The following DSCAML1 variants were observed in gnomAD, a reference collection of about 807,000 sequenced individuals.
DSCAML1 encodes the protein DS cell adhesion molecule like 1.
DSCAML1 carries 38 observed loss-of-function variants against 200.5 expected under a neutral mutation model. The ratio of observed to expected loss-of-function variants is 0.19; its 90% CI spans 0.15 to 0.25. The LOEUF is 0.25. DSCAML1 is among the 10% of genes least tolerant of loss of function. The pLI is 1.00. For missense variants in DSCAML1, 2,223 were observed against 2,858.8 expected (o/e 0.78, Z 5.07); for synonymous variants, 1,215 against 1,165.0 (o/e 1.04, Z -0.87).
At chr11:117,719,889 TCTGA>T (rs1356036598) in intron 3 of DSCAML1, among the ~76,000 whole-genome samples, 1 of 152,202 alleles carries the variant, frequency 6.6e-6, no homozygotes, top group Non-Finnish European at 1.5e-5. Flanking sequence ...CAATCCCTAC[TCTGA>T]CTGTGCCCAC....
Position 117,437,931 on chromosome 11 carries a change from T to C in DSCAML1, c.4396A>G (p.Ile1466Val), listed in dbSNP as rs753868442. 1 of 1,612,894 alleles carries C rather than the reference T, an allele frequency of 6.2e-7. No homozygotes were observed. Among genetic ancestry groups the C allele is most frequent in the African/African-American group, 1.3e-5 (1 of 74,912 alleles). Reference sequence around the variant, plus strand: ...GTCTTGGCCTCGATGATCTCGCTGATGCGCCCAGAGCCCACGCTGTTCTTG... The same window carrying C: ...GTCTTGGCCTCGATGATCTCGCTGACGCGCCCAGAGCCCACGCTGTTCTTG... ...AAKNSVGSGRISEIIEAKTHG... is the reference protein window; with the variant it reads ...AAKNSVGSGRVSEIIEAKTHG... The change falls in exon 25 of 33, where the codon ATC (isoleucine) becomes GTC (valine). Residue 1466 changes from isoleucine (I) to valine (V), a missense_variant. This residue lies in a region of DSCAML1 where 614 missense variants were observed against 739.1 expected (regional missense o/e 0.83). Transcript: ENST00000651296. This position sits in a 1 kb window ranked among gnomAD's most constrained non-coding sequence, Gnocchi z 5.3.
chr11:117,769,441 A>T (rs1226962357), intron 3 of DSCAML1, among the ~76,000 whole-genome samples: 2 of 77,266 alleles, frequency 2.6e-5, no homozygotes, highest in Non-Finnish European at 4.5e-5. Flanking sequence ...TTTTTATATA[A>T]TATATATTTT....
chr11:117,768,981 C>A (rs2054948226), intron 3 of DSCAML1, among the ~76,000 whole-genome samples: 1 of 149,070 alleles, frequency 6.7e-6, no homozygotes, highest in Admixed American at 6.9e-5. Context: ...GAGGCTGAGA[C>A]AAGAGAATCA....
intron 17 of DSCAML1, among the ~76,000 whole-genome samples, chr11:117,464,456 G>A (rs1473939275): frequency 6.6e-6 from 1 of 152,174 alleles, no homozygotes; most frequent in Non-Finnish European, 1.5e-5. Flanking sequence ...AGTCATGGAA[G>A]AATGAAGACT....
intron 24 of DSCAML1, 102 bp from the exon 25 acceptor site, chr11:117,438,185 C>T (rs2047962096): frequency 2.6e-6 from 3 of 1,165,908 alleles, no homozygotes; most frequent in Non-Finnish European, 3.6e-6. Flanking sequence ...AGGCAGGGGG[C>T]AGAGTCAGGC....
At chr11:117,576,826 C>T (rs191063642) in intron 3 of DSCAML1, among the ~76,000 whole-genome samples, 9 of 152,278 alleles carry the variant, frequency 5.9e-5, no homozygotes, top group East Asian at 3.9e-4. Context: ...TTTTCATCAA[C>T]GAAAGTGGAT....
chr11:117,585,773 G>T (rs2051129555), intron 3 of DSCAML1, among the ~76,000 whole-genome samples: 1 of 152,176 alleles, frequency 6.6e-6, no homozygotes. Flanking sequence ...GAGAGGAGGA[G>T]TCGCCAGGGC....
chr11:117,651,643 T>A (rs1297465601), intron 3 of DSCAML1, among the ~76,000 whole-genome samples: 1 of 125,752 alleles, frequency 8.0e-6, no homozygotes, highest in Non-Finnish European at 1.6e-5. Context: ...ACCCAGGAGG[T>A]GGAGCTTGCA....
At chr11:117,590,977 G>T (rs981120908) in intron 3 of DSCAML1, among the ~76,000 whole-genome samples, 2 of 152,200 alleles carry the variant, frequency 1.3e-5, no homozygotes, top group Non-Finnish European at 2.9e-5. Flanking sequence ...AAAACAGGGG[G>T]AGTGATGAAG....
rs143715040 is a variant in DSCAML1, at chr11:117,513,954, G to A, written c.1783+2513C>T. On this transcript the variant is annotated intron_variant, in intron 8 of 32. Transcript: ENST00000651296. ...TCTCCACCCAGCCTTCCACTGCCAC[G>A]TTCAGTCCTTCCAGCTGGCCACCAG... is the stretch of plus-strand genomic sequence containing the variant. Among the ~76,000 whole-genome samples the A allele has an allele frequency of 4.7e-3, 708 of 152,242 alleles. 6 individuals carry two copies. Among genetic ancestry groups the A allele is most frequent in the African/African-American group, 0.016 (680 of 41,536 alleles).
chr11:117,609,598 T>C (rs774139728), intron 3 of DSCAML1, among the ~76,000 whole-genome samples: 1 of 152,214 alleles, frequency 6.6e-6, no homozygotes, highest in Admixed American at 6.5e-5. Context: ...TGAGCCACCA[T>C]GCCCAACCAT....
At chr11:117,724,190 C>A (rs1276182997) in intron 3 of DSCAML1, among the ~76,000 whole-genome samples, 1 of 151,986 alleles carries the variant, frequency 6.6e-6, no homozygotes, top group Non-Finnish European at 1.5e-5. Flanking sequence ...AATAAGCTGA[C>A]CCCAAAGGCC....
At chr11:117,439,473 C>G (rs1467708492) in intron 22 of DSCAML1, 44 bp from the exon 23 acceptor site, 1 of 1,589,784 alleles carries the variant, frequency 6.3e-7, no homozygotes, top group Admixed American at 1.7e-5. Context: ...GTCAAGCACC[C>G]CTTCCTCCTG....
intron 3 of DSCAML1, among the ~76,000 whole-genome samples, chr11:117,696,400 G>C (rs1184876415): frequency 6.6e-6 from 1 of 152,214 alleles, no homozygotes; most frequent in Non-Finnish European, 1.5e-5. Context: ...TTGAAGAAAA[G>C]CATTTGCAAG....
chr11:117,802,543 C>A (rs2055671433), intron 1 of DSCAML1, among the ~76,000 whole-genome samples: 1 of 152,156 alleles, frequency 6.6e-6, no homozygotes, highest in Non-Finnish European at 1.5e-5. Context: ...ACGTGCCATG[C>A]CTTCCAGAGA....
intron 21 of DSCAML1, among the ~76,000 whole-genome samples, chr11:117,442,319 G>A (rs62636418): frequency 6.9e-6 from 1 of 145,666 alleles, no homozygotes; most frequent in Non-Finnish European, 1.5e-5. Context: ...GTGTATGCAT[G>A]TATTAGTGTG....
chr11:117,444,135 C>T (rs1004511851), intron 20 of DSCAML1, 96 bp from the exon 21 acceptor site: 9 of 1,402,482 alleles, frequency 6.4e-6, no homozygotes, highest in East Asian at 2.4e-5. Context: ...GAGAGGATGG[C>T]GGGGTCGGAT....
chr11:117,784,525 A>G (rs1308769500), intron 1 of DSCAML1, among the ~76,000 whole-genome samples: 7 of 152,178 alleles, frequency 4.6e-5, no homozygotes, highest in Admixed American at 4.6e-4. Flanking sequence ...AACTCCAGGG[A>G]CAGAAGGGGG....
intron 3 of DSCAML1, among the ~76,000 whole-genome samples, chr11:117,586,901 C>T (rs1171823103): frequency 6.6e-6 from 1 of 152,232 alleles, no homozygotes; most frequent in Non-Finnish European, 1.5e-5. Context: ...CTGCACAGCG[C>T]TGAGGCCAAG....
Sources: gnomAD v4.1 joint callset for allele counts (sites outside exome capture counted in the v4.1 genomes callset) on GRCh38, gnomAD v4.1.1 for gene constraint, gnomAD v4.1.1 regional missense constraint, Gnocchi (gnomAD v3.1) non-coding constraint, MANE v1.5 for transcripts, NCBI Gene and HGNC (gene_info 2026-07-23, HGNC 2026-07-21) for gene names.